The following NACC1 variants were observed in gnomAD, a reference collection of about 807,000 sequenced individuals.
NACC1 encodes nucleus accumbens-associated protein 1.
A neutral mutation model predicts 41.7 loss-of-function variants in NACC1; 6 were observed. That is an observed-to-expected ratio of 0.14 (90% confidence interval 0.08 to 0.28). The LOEUF (loss-of-function observed/expected upper bound fraction) is 0.28, where lower values mean the gene tolerates loss of function less well. NACC1 is among the 10% of genes least tolerant of loss of function. The pLI is 1.00. For synonymous variants in NACC1, 338 were observed against 330.6 expected, an observed-to-expected ratio of 1.02 and a Z score of -0.24; for missense variants, 434 against 763.7, an observed-to-expected ratio of 0.57 and a Z score of 5.09.
Position 13,135,472 on chromosome 19 carries a change from C to T in NACC1, c.265C>T (p.Arg89Trp), listed in dbSNP as rs368391948. ...GATCCTCAGCTTCTGCTACACGGGC[C>T]GGCTGAGCATGAACGTGGGCGACCA... is the stretch of plus-strand genomic sequence containing the variant. ...QQILSFCYTG[R>W]LSMNVGDQFL... The change falls in exon 2 of 6, where the codon CGG (arginine) becomes TGG (tryptophan). Residue 89 changes from arginine to tryptophan, a missense_variant. Around this residue, in one of 4 missense-constraint regions of NACC1, gnomAD observed 67 missense variants for 180.1 expected, o/e 0.37. Transcript: ENST00000292431. 6.2e-7 allele frequency: 1 copy of T among 1,613,532 alleles called. No individual in the cohort carries two copies. The highest frequency in any genetic ancestry group is 8.5e-7 in the Non-Finnish European group (1 of 1,179,876).
rs2019691871 is a variant in NACC1 at position 13,135,606 on chromosome 19, G to A, written c.399G>A (p.Leu133=). The part of the protein sequence containing the change: ...VSSPSCDSQG[L]HAEEAPSSEP... ...CCCCGAGCTGCGACTCCCAGGGCCT[G>A]CATGCGGAGGAGGCCCCATCGTCGG... The change falls in exon 2 of 6, where the codon CTG becomes CTA. Residue 133 remains leucine (L), a synonymous_variant. Transcript: ENST00000292431. 1 of 1,587,912 alleles carries A rather than the reference G, an allele frequency of 6.3e-7. No individual in the cohort carries two copies. Among genetic ancestry groups the A allele is most frequent in the Non-Finnish European group, 8.6e-7 (1 of 1,169,530 alleles).
chr19:13,118,307 C>G lies in NACC1; in HGVS notation c.-156C>G, dbSNP rs1022319673. The G allele has an allele frequency of 6.8e-6, 1 of 147,706 alleles. No individual in the cohort carries two copies. Among genetic ancestry groups the G allele is most frequent in the Admixed American group, 6.7e-5 (1 of 14,856 alleles). 9.1% of individuals were successfully genotyped at this position (147,706 alleles called of 1,614,324 possible). ...GGCCCACAATGAATGGCCGCCGCGGCTGCCGCTGCTGCTGAGGCGGAGGCC... is the reference window on the plus strand; with the variant it reads ...GGCCCACAATGAATGGCCGCCGCGGGTGCCGCTGCTGCTGAGGCGGAGGCC... On this transcript the variant is annotated 5_prime_UTR_variant, in exon 1 of 6. Transcript: ENST00000292431.
intron 1 of NACC1, among the ~76,000 whole-genome samples, chr19:13,120,783 G>C (rs547830211): frequency 1.3e-5 from 2 of 152,234 alleles, no homozygotes; most frequent in Non-Finnish European, 2.9e-5. Context: ...AGTTGGCCCT[G>C]GTGAGTGGGG....
upstream of NACC1, chr19:13,117,563 C>CTTTCT (rs1555720336): frequency 4.4e-4 from 59 of 135,018 alleles, no homozygotes; most frequent in African/African-American, 1.5e-3. Flanking sequence ...TTCTTTCTTT[C>CTTTCT]TTTTTTTTTT....
intron 1 of NACC1, among the ~76,000 whole-genome samples, chr19:13,124,809 A>G (rs1220577079): frequency 6.6e-6 from 1 of 152,026 alleles, no homozygotes; most frequent in East Asian, 1.9e-4. Context: ...AGCCAGGCAC[A>G]TTGCTCATGC....
In NACC1 at chr19:13,135,758, G is replaced by A. The variant is rs1294291687; in HGVS notation, c.551G>A (p.Arg184Gln). The A allele has an allele frequency of 6.4e-7, 1 of 1,560,528 alleles. No homozygotes were observed. The highest frequency in any genetic ancestry group is 1.2e-5 in the South Asian group (1 of 85,082). ...DSVQCMPVAK[R>Q]LWDSGQKEAG... ...GTGCAGTGCATGCCCGTGGCCAAGCGGCTGTGGGACAGTGGCCAGAAGGAG... is the reference window on the plus strand; with the variant it reads ...GTGCAGTGCATGCCCGTGGCCAAGCAGCTGTGGGACAGTGGCCAGAAGGAG... The change falls in exon 2 of 6, where the codon CGG becomes CAG. Residue 184 changes from arginine (R) to glutamine (Q), a missense_variant. Transcript: ENST00000292431.
At position 13,135,417 on chromosome 19, in the gene NACC1, G is replaced by A. The variant is rs778241709; in HGVS notation, c.210G>A (p.Pro70=). 2.8e-5 allele frequency: 45 copies of A among 1,612,954 alleles called. No individual in the cohort carries two copies. The highest frequency in any genetic ancestry group is 8.0e-5 in the African/African-American group (6 of 74,928). ...GCCGCAGCGCCGTGGTGGAGCTGCC[G>A]GCGGCTGTGCAGCCCCAGTCTTTCC... The part of the protein sequence containing the change: ...NNSRSAVVEL[P]AAVQPQSFQQ... The change falls in exon 2 of 6, where the codon CCG becomes CCA. Residue 70 remains proline (P), a synonymous_variant. Transcript: ENST00000292431.
Position 13,136,481 on chromosome 19 carries a change from G to T in NACC1, c.1120+76G>T. On this transcript the variant is annotated intron_variant, in intron 3 of 5. Transcript: ENST00000292431. The surrounding 1 kb of genome is among the most constrained non-coding windows in gnomAD (Gnocchi z 5.5). ...TGGCCTGGGCTGGGCTGGGCAGCTG[G>T]TTAGGAGCCCCCAGCACCTCAGTTT... The T allele has an allele frequency of 6.7e-7, 1 of 1,493,732 alleles. No individual in the cohort carries two copies. Among genetic ancestry groups the T allele is most frequent in the Non-Finnish European group, 9.0e-7 (1 of 1,115,668 alleles). 92.5% of individuals were successfully genotyped at this position (1,493,732 alleles called of 1,614,324 possible).
intron 1 of NACC1, among the ~76,000 whole-genome samples, chr19:13,126,439 C>T (rs542750266): frequency 6.6e-5 from 10 of 152,280 alleles, no homozygotes; most frequent in African/African-American, 2.2e-4. Context: ...TAGCATCTGT[C>T]GACGGCCATG....
intron 1 of NACC1, among the ~76,000 whole-genome samples, chr19:13,121,903 T>TA (rs1414824564): frequency 1.3e-5 from 2 of 152,238 alleles, no homozygotes; most frequent in East Asian, 3.8e-4. Context: ...TGAGGCACCC[T>TA]AGTCCTTCCT....
intron 1 of NACC1, among the ~76,000 whole-genome samples, chr19:13,128,177 A>C (rs550234495): frequency 1.2e-4 from 18 of 152,214 alleles, no homozygotes; most frequent in Non-Finnish European, 2.4e-4. Context: ...TGGCATTCAC[A>C]GGGAAGTCCG....
intron 1 of NACC1, among the ~76,000 whole-genome samples, chr19:13,130,828 G>A (rs1372340442): frequency 1.3e-5 from 2 of 152,078 alleles, no homozygotes; most frequent in Non-Finnish European, 2.9e-5. Flanking sequence ...GAGCCACCGC[G>A]CCTGGCCTGT....
At chr19:13,125,332 GCTC>G (rs2019548349) in intron 1 of NACC1, among the ~76,000 whole-genome samples, 2 of 151,546 alleles carry the variant, frequency 1.3e-5, no homozygotes, top group South Asian at 4.2e-4. Context: ...GGACAAACAA[GCTC>G]CCCCTCTTTT....
chr19:13,124,219 GAGAAAC>G, intron 1 of NACC1, among the ~76,000 whole-genome samples: 1 of 152,218 alleles, frequency 6.6e-6, no homozygotes, highest in Non-Finnish European at 1.5e-5. Flanking sequence ...GGCCAACATG[GAGAAAC>G]CCAGTCTCTA....
chr19:13,125,076 A>C (rs1039179197), intron 1 of NACC1, among the ~76,000 whole-genome samples: 2 of 151,686 alleles, frequency 1.3e-5, no homozygotes, highest in Non-Finnish European at 2.9e-5. Flanking sequence ...TGAGAGGATA[A>C]CTTGAGCCCA....
chr19:13,133,459 C>CT (rs2019659907), intron 1 of NACC1, among the ~76,000 whole-genome samples: 1 of 152,174 alleles, frequency 6.6e-6, no homozygotes, highest in African/African-American at 2.4e-5. Context: ...CTGGCAACCA[C>CT]TAATCTGCCT....
Position 13,137,337 on chromosome 19 carries a change from A to G in NACC1, c.1187A>G (p.Lys396Arg). 6.2e-7 allele frequency: 1 copy of G among 1,612,684 alleles called. No individual in the cohort carries two copies. Among genetic ancestry groups the G allele is most frequent in the Non-Finnish European group, 8.5e-7 (1 of 1,179,490 alleles). ...NCHVSAGTRH[K>R]VLLRRLLASF... Reference sequence around the variant, plus strand: ...CACGTCAGCGCAGGCACGCGGCACAAGGTCCTACTGCGGCGGCTCCTGGCC... The same window carrying G: ...CACGTCAGCGCAGGCACGCGGCACAGGGTCCTACTGCGGCGGCTCCTGGCC... Residue 396 changes from lysine to arginine, a missense_variant, in exon 4 of 6, where the codon AAG (lysine) becomes AGG (arginine). By Grantham distance (26) the Lys-to-Arg change is conservative (BLOSUM62 2). Around this residue, in one of 4 missense-constraint regions of NACC1, gnomAD observed 70 missense variants for 206.9 expected, o/e 0.34. Coordinates refer to ENST00000292431, the MANE Select transcript of NACC1 (RefSeq NM_052876.4). The surrounding 1 kb of genome is among the most constrained non-coding windows in gnomAD (Gnocchi z 6.1).
chr19:13,127,631 G>A (rs1349275728), intron 1 of NACC1, among the ~76,000 whole-genome samples: 7 of 150,200 alleles, frequency 4.7e-5, no homozygotes, highest in African/African-American at 7.4e-5. Flanking sequence ...GCAGTGAGCC[G>A]AGATCCCACC....
intron 1 of NACC1, among the ~76,000 whole-genome samples, chr19:13,130,153 T>G (rs1355867368): frequency 6.6e-6 from 1 of 152,152 alleles, no homozygotes. Context: ...CATCACTCAC[T>G]GCAGCCTCTA....
Sources: gnomAD v4.1 joint callset for allele counts (sites outside exome capture counted in the v4.1 genomes callset) on GRCh38, gnomAD v4.1.1 for gene constraint, gnomAD v4.1.1 regional missense constraint, Gnocchi (gnomAD v3.1) non-coding constraint, MANE v1.5 for transcripts, NCBI Gene and HGNC (gene_info 2026-07-23, HGNC 2026-07-21) for gene names.